Variants in DAB1 observed in about 807,000 individuals in gnomAD.
DAB1 encodes DAB adaptor protein 1.
A neutral mutation model predicts 64.6 loss-of-function variants in DAB1; 15 were observed. The ratio of observed to expected loss-of-function variants is 0.23; its 90% CI spans 0.16 to 0.36. DAB1 has a LOEUF of 0.36. Among genes scored for constraint, DAB1 ranks in the 10% least tolerant of loss-of-function variants. The pLI, the probability that DAB1 is intolerant of heterozygous loss-of-function variation, is 1.00. For missense variants in DAB1, 596 were observed against 706.7 expected (o/e 0.84, Z 1.78); for synonymous variants, 235 against 251.9 (o/e 0.93, Z 0.64).
chr1:57,083,924 T>C (rs1416885172), intron 4 of DAB1, among the ~76,000 whole-genome samples: 1 of 152,336 alleles, frequency 6.6e-6, no homozygotes. Flanking sequence ...GTTCATTCAA[T>C]TGAAGTACGA....
chr1:57,874,424 A>C (rs1412946774), intron 1 of DAB1: 2 of 152,196 alleles, frequency 1.3e-5, no homozygotes, highest in African/African-American at 4.8e-5. Flanking sequence ...AAGAATGAGC[A>C]TCATCCCTGA....
intron 4 of DAB1, among the ~76,000 whole-genome samples, chr1:58,152,966 A>C (rs1437999403): frequency 9.9e-5 from 15 of 152,202 alleles, no homozygotes; most frequent in Non-Finnish European, 1.0e-4. Flanking sequence ...CAAAGCTCCA[A>C]ATCTGGACCA....
chr1:58,085,043 A>T (rs1409051046), intron 5 of DAB1, among the ~76,000 whole-genome samples: 1 of 152,186 alleles, frequency 6.6e-6, no homozygotes, highest in African/African-American at 2.4e-5. Flanking sequence ...ATTTTATGTT[A>T]GGCATTTAAT....
At position 57,400,763 on chromosome 1, in the gene DAB1, G is replaced by T. The variant is rs568222698; in HGVS notation, c.-137+23167C>A. ...GGAGAGAGAAGCAATCATAGCTTGT[G>T]CCCATCTAGACACATTACACAAGTC... On this transcript the variant is annotated intron_variant, in intron 1 of 14. Coordinates refer to ENST00000371236, the MANE Select transcript of DAB1 (RefSeq NM_001365792.1). 1.5e-4 allele frequency among the ~76,000 whole-genome samples: 23 copies of T among 151,904 alleles called. No homozygotes were observed. The South Asian group carries it at 4.8e-3, about 32-fold the overall frequency.
At chr1:57,767,131 A>G (rs1649347560) in intron 6 of DAB1, among the ~76,000 whole-genome samples, 1 of 152,092 alleles carries the variant, frequency 6.6e-6, no homozygotes, top group Admixed American at 6.6e-5. Context: ...ATGATTGATT[A>G]AATCACAAAT....
At chr1:58,231,939 T>C (rs1269408478) in intron 4 of DAB1, among the ~76,000 whole-genome samples, 3 of 152,218 alleles carry the variant, frequency 2.0e-5, no homozygotes, top group Non-Finnish European at 4.4e-5. Flanking sequence ...TTAAGTAACT[T>C]GCTACAGGTA....
intron 7 of DAB1, among the ~76,000 whole-genome samples, chr1:57,454,026 G>T (rs1192177427): frequency 1.3e-5 from 2 of 152,082 alleles, no homozygotes; most frequent in Non-Finnish European, 2.9e-5. Context: ...TTTCGGCCTG[G>T]AAGAGAGAAC....
At chr1:58,456,028 T>G (rs2100302354) in intron 3 of DAB1, among the ~76,000 whole-genome samples, 1 of 152,362 alleles carries the variant, frequency 6.6e-6, no homozygotes, top group South Asian at 2.1e-4. Context: ...CTGCCTCACT[T>G]GCGTCATCTA....
chr1:57,376,321 A>G (rs1410587871), intron 1 of DAB1, among the ~76,000 whole-genome samples: 1 of 152,222 alleles, frequency 6.6e-6, no homozygotes, highest in Non-Finnish European at 1.5e-5. Context: ...CATCCCATCT[A>G]GACTTAGCCT....
At chr1:58,426,753 A>C (rs1393574432) in intron 3 of DAB1, among the ~76,000 whole-genome samples, 6 of 152,220 alleles carry the variant, frequency 3.9e-5, no homozygotes, top group Non-Finnish European at 5.9e-5. Flanking sequence ...TCCAGACTCT[A>C]TTTAGGGCCT....
chr1:57,828,653 C>T (rs1336476963), intron 1 of DAB1, among the ~76,000 whole-genome samples: 2 of 152,120 alleles, frequency 1.3e-5, no homozygotes, highest in African/African-American at 2.4e-5. Context: ...TTTCAATTGA[C>T]AGCAAGGATA....
rs138494267 is a variant in DAB1, at chr1:57,487,892, T to C, written n.625+161700A>G. 5.3e-3 allele frequency among the ~76,000 whole-genome samples: 812 copies of C among 152,344 alleles called. 5 individuals carry two copies. The highest frequency in any genetic ancestry group is 0.025 in the East Asian group (131 of 5,182). ...ATAATACAGATTGCCATAATGTAGT[T>C]AACCATTACCAAACTGAGAAACATT... On this transcript the variant is annotated intron_variant and non_coding_transcript_variant, in intron 7 of 20. Transcript: ENST00000485760.
At chr1:57,288,522 C>T (rs936100988) in intron 2 of DAB1, among the ~76,000 whole-genome samples, 4 of 152,228 alleles carry the variant, frequency 2.6e-5, no homozygotes, top group South Asian at 2.1e-4. Context: ...TCCTCTACCA[C>T]GTGAGGACAT....
chr1:57,120,438 C>T (rs1036117794), intron 4 of DAB1, among the ~76,000 whole-genome samples: 18 of 152,072 alleles, frequency 1.2e-4, no homozygotes, highest in Non-Finnish European at 1.3e-4. Context: ...CCAATTATAA[C>T]GCATTTTTTA....
chr1:58,240,752 C>A (rs755657394), intron 4 of DAB1, among the ~76,000 whole-genome samples: 9 of 152,174 alleles, frequency 5.9e-5, no homozygotes, highest in Non-Finnish European at 1.2e-4. Context: ...ATGGCACCCA[C>A]GCCAAGACTT....
intron 7 of DAB1, among the ~76,000 whole-genome samples, chr1:57,541,644 A>G (rs895578820): frequency 6.6e-6 from 1 of 152,200 alleles, no homozygotes; most frequent in African/African-American, 2.4e-5. Flanking sequence ...CAGGGAAAGA[A>G]GATGTAACAA....
intron 7 of DAB1, among the ~76,000 whole-genome samples, chr1:57,536,930 A>T (rs1046357291): frequency 1.4e-4 from 21 of 152,210 alleles, no homozygotes; most frequent in Non-Finnish European, 4.4e-5. Context: ...GATGCTGGGG[A>T]TGCAGAGGTG....
intron 7 of DAB1, among the ~76,000 whole-genome samples, chr1:57,648,064 G>A (rs1646214570): frequency 1.3e-5 from 2 of 152,164 alleles, no homozygotes; most frequent in South Asian, 4.1e-4. Context: ...CTGCTCCCTA[G>A]TCCTCCTTAG....
intron 5 of DAB1, among the ~76,000 whole-genome samples, chr1:57,983,119 A>T (rs1646107554): frequency 6.6e-6 from 1 of 152,210 alleles, no homozygotes; most frequent in Admixed American, 6.5e-5. Context: ...ATTCCTCTTT[A>T]GGAAGGCAAA....
Sources: allele counts gnomAD v4.1 joint callset (sites outside exome capture counted in the v4.1 genomes callset), GRCh38; gene constraint gnomAD v4.1.1; transcripts MANE v1.5; gene names NCBI Gene and HGNC (gene_info 2026-07-23, HGNC 2026-07-21).